Variants in NNMT observed in about 807,000 individuals in gnomAD.
NNMT encodes the protein nicotinamide N-methyltransferase.
Under a neutral mutation model 11.7 loss-of-function variants are expected in NNMT, and 10 were observed. The observed-to-expected ratio is 0.85, with a 90% CI of 0.53 to 1.45. The LOEUF (loss-of-function observed/expected upper bound fraction) is 1.45. Among genes scored for constraint, NNMT ranks in the 40% most tolerant of loss-of-function variants. NNMT has a pLI of 0.00. For missense variants in NNMT, 381 were observed against 319.4 expected, an observed-to-expected ratio of 1.19 and a Z score of -1.47; for synonymous variants, 143 against 133.8, an observed-to-expected ratio of 1.07 and a Z score of -0.48.
intron 2 of NNMT, among the ~76,000 whole-genome samples, chr11:114,275,775 G>A (rs966688409): frequency 6.6e-6 from 1 of 152,150 alleles, no homozygotes; most frequent in African/African-American, 2.4e-5. Context: ...TTAGGGTTAG[G>A]ATTTGAATAT....
upstream of NNMT, among the ~76,000 whole-genome samples, chr11:114,293,014 T>G (rs1945345829): frequency 6.6e-6 from 1 of 152,220 alleles, no homozygotes; most frequent in South Asian, 2.1e-4. Context: ...TCACCAAAAC[T>G]GAGGCTTAAG....
chr11:114,263,578 C>G (rs1461116588), intron 2 of NNMT, among the ~76,000 whole-genome samples: 1 of 152,222 alleles, frequency 6.6e-6, no homozygotes, highest in African/African-American at 2.4e-5. Context: ...TAACCTAGCT[C>G]TGCCCACGAT....
At chr11:114,271,048 A>G (rs924847437) in intron 2 of NNMT, among the ~76,000 whole-genome samples, 1 of 152,114 alleles carries the variant, frequency 6.6e-6, no homozygotes, top group African/African-American at 2.4e-5. Flanking sequence ...AAGTTCTGGG[A>G]TTACAGGCAT....
rs746472955 is a variant in NNMT at position 114,312,144 on chromosome 11, ACC to A, written c.466_467del (p.Pro156GlyfsTer2). On this transcript the variant is annotated frameshift_variant, in exon 3 of 3. Transcript: ENST00000299964. LOFTEE classifies it low-confidence loss of function (END_TRUNC). ...QSQPLGAVPL[P>X]PADCVLSTLC... The stretch of plus-strand genomic sequence containing the variant: ...GCCAGCCACTGGGGGCCGTCCCCTT[ACC>A]CCCGGCTGACTGCGTGCTCAGCACA... 49 of 1,613,882 alleles carry A rather than the reference ACC, an allele frequency of 3.0e-5. No homozygotes were observed. Among genetic ancestry groups the A allele is most frequent in the Non-Finnish European group, 4.2e-5 (49 of 1,179,920 alleles).
At chr11:114,268,664 G>A (rs1272207513) in intron 2 of NNMT, among the ~76,000 whole-genome samples, 1 of 151,736 alleles carries the variant, frequency 6.6e-6, no homozygotes, top group African/African-American at 2.4e-5. Flanking sequence ...AGCTACTCGG[G>A]AGGCTGAGGC....
chr11:114,296,354 T>C (rs919229332), upstream of NNMT: 16 of 557,276 alleles, frequency 2.9e-5, no homozygotes, highest in Non-Finnish European at 3.7e-5. Context: ...GGGAATTTCA[T>C]CATTTCCTAG....
rs1422718099 is a variant in NNMT, at chr11:114,296,675, A to C, written c.119A>C (p.His40Pro). ...RHSAESQILK[H>P]LLKNLFKIFC... ...TCTGCAGAAAGCCAGATTCTTAAGC[A>C]CCTTCTGAAAAATCTTTTCAAGATA... is the stretch of plus-strand genomic sequence containing the variant. Residue 40 changes from histidine (H) to proline (P), a missense_variant, in exon 1 of 3, where the codon CAC becomes CCC. By Grantham distance (77) the His-to-Pro change is moderately conservative. Transcript: ENST00000299964. 6.2e-7 allele frequency: 1 copy of C among 1,614,172 alleles called. No homozygotes were observed. Among genetic ancestry groups the C allele is most frequent in the South Asian group, 1.1e-5 (1 of 91,082 alleles).
At chr11:114,288,391 T>C (rs1373070105) in intron 2 of NNMT, among the ~76,000 whole-genome samples, 1 of 152,152 alleles carries the variant, frequency 6.6e-6, no homozygotes, top group African/African-American at 2.4e-5. Context: ...CTATTTCCAG[T>C]TTGGCAAGGA....
rs1202687793 is a variant in NNMT at position 114,270,790 on chromosome 11, CT to C, written c.-130+7868del. ...ACCCTAGTTACCTTTTTGTTTAGTT[CT>C]TTTTTTTTTTTCTCGCTTTGTTGCC... is the stretch of plus-strand genomic sequence containing the variant. On this transcript the variant is annotated intron_variant, in intron 2 of 4. Coordinates refer to the NNMT transcript ENST00000535401. Among the ~76,000 whole-genome samples, 657 of 145,730 alleles carry C rather than the reference CT, an allele frequency of 4.5e-3. 2 individuals carry two copies. Among genetic ancestry groups the C allele is most frequent in the East Asian group, 0.021 (107 of 5,010 alleles).
At chr11:114,294,993 C>G (rs186912544), upstream of NNMT, among the ~76,000 whole-genome samples, 32 of 152,322 alleles carry the variant, frequency 2.1e-4, no homozygotes, top group Non-Finnish European at 3.8e-4. Flanking sequence ...GGCTTGCTGA[C>G]TCCTTGGAAA....
intron 2 of NNMT, among the ~76,000 whole-genome samples, chr11:114,304,881 A>G (rs985855548): frequency 6.6e-6 from 1 of 152,216 alleles, no homozygotes; most frequent in Non-Finnish European, 1.5e-5. Context: ...TCATTTTTAC[A>G]ACTATCCAAA....
At chr11:114,311,938 A>T in intron 2 of NNMT, 107 bp from the exon 3 acceptor site, 1 of 1,202,704 alleles carries the variant, frequency 8.3e-7, no homozygotes, top group Non-Finnish European at 1.2e-6. Flanking sequence ...AGGTGGCCCT[A>T]AGGACACACA....
At chr11:114,289,171 G>A (rs1334304076) in intron 2 of NNMT, among the ~76,000 whole-genome samples, 1 of 152,046 alleles carries the variant, frequency 6.6e-6, no homozygotes, top group Non-Finnish European at 1.5e-5. Flanking sequence ...CAATGTATAG[G>A]CATAAAGTTA....
chr11:114,306,575 A>C (rs1466297572), intron 2 of NNMT, among the ~76,000 whole-genome samples: 1 of 152,152 alleles, frequency 6.6e-6, no homozygotes, highest in Non-Finnish European at 1.5e-5. Flanking sequence ...ATGGCTAGCC[A>C]GTTTTCCCAG....
In NNMT at chr11:114,312,361, G is replaced by C. The variant is rs1179465801; in HGVS notation, c.679G>C (p.Glu227Gln). 2 of 1,614,264 alleles carry C rather than the reference G, an allele frequency of 1.2e-6. No individual in the cohort carries two copies. Among genetic ancestry groups the C allele is most frequent in the Admixed American group, 3.3e-5 (2 of 60,036 alleles). Reference sequence around the variant, plus strand: ...GGAGGCAGTAGAGGCTGCTGTGAAAGAGGCTGGCTACACAATCGAATGGTT... The same window carrying C: ...GGAGGCAGTAGAGGCTGCTGTGAAACAGGCTGGCTACACAATCGAATGGTT... The part of the protein sequence containing the change: ...GREAVEAAVK[E>Q]AGYTIEWFEV... Residue 227 changes from glutamate (E) to glutamine (Q), a missense_variant, in exon 3 of 3, where the codon GAG (glutamate) becomes CAG (glutamine). Physicochemically the swap from Glu to Gln is conservative, Grantham distance 29. Transcript: ENST00000299964.
At chr11:114,266,552 C>G (rs1413527986) in intron 2 of NNMT, among the ~76,000 whole-genome samples, 1 of 151,790 alleles carries the variant, frequency 6.6e-6, no homozygotes, top group African/African-American at 2.4e-5. Context: ...CCAGTCCCAC[C>G]CCATATCTTT....
At chr11:114,297,754 TG>T (rs1242827043) in intron 1 of NNMT, among the ~76,000 whole-genome samples, 196 bp from the exon 2 acceptor site, 1 of 152,192 alleles carries the variant, frequency 6.6e-6, no homozygotes, top group Non-Finnish European at 1.5e-5. Context: ...TCCAGAGTAT[TG>T]GGACTGTAGG....
At chr11:114,283,978 C>T (rs1390877147) in intron 2 of NNMT, among the ~76,000 whole-genome samples, 3 of 152,104 alleles carry the variant, frequency 2.0e-5, no homozygotes, top group Admixed American at 1.3e-4. Flanking sequence ...AGGTATCGTA[C>T]CGTTACAGTA....
intron 2 of NNMT, among the ~76,000 whole-genome samples, chr11:114,306,993 C>A (rs750663704): frequency 1.3e-5 from 2 of 152,224 alleles, no homozygotes; most frequent in African/African-American, 4.8e-5. Flanking sequence ...ACTTTCACAG[C>A]TTGCAAAAGG....
Sources: allele counts gnomAD v4.1 joint callset (sites outside exome capture counted in the v4.1 genomes callset), GRCh38; gene constraint gnomAD v4.1.1; transcripts MANE v1.5; gene names NCBI Gene and HGNC (gene_info 2026-07-23, HGNC 2026-07-21).